Variants in TLCD4 observed in about 807,000 individuals in gnomAD.
The protein encoded by TLCD4 is TLC domain containing 4, also known as TLC domain-containing protein 4.
TLCD4 carries 7 observed loss-of-function variants against 24.2 expected under a neutral mutation model. The ratio of observed to expected loss-of-function variants is 0.29; its 90% CI spans 0.16 to 0.54. The LOEUF (loss-of-function observed/expected upper bound fraction) is 0.54. TLCD4 is among the 20% of genes least tolerant of loss of function. The probability of loss-of-function intolerance (pLI) is 0.95; values close to 1 mark genes in which losing one functional copy is unlikely to be tolerated. For synonymous variants in TLCD4, 103 were observed against 106.4 expected (o/e 0.97, Z 0.20); for missense variants, 259 against 313.9 (o/e 0.82, Z 1.32).
chr1:95,102,482 C>T, the TLCD4 span, among the ~76,000 whole-genome samples: 52,314 of 151,876 alleles, frequency 0.34, 10,545 homozygotes, highest in Middle Eastern at 0.45. Context: ...ATGATGACTT[C>T]GTGAACTCAG....
chr1:95,094,106 T>C, the TLCD4 span, among the ~76,000 whole-genome samples: 11 of 152,138 alleles, frequency 7.2e-5, no homozygotes. Flanking sequence ...AAAGTTCCTG[T>C]CATCATGTGA....
the TLCD4 span, among the ~76,000 whole-genome samples, chr1:95,107,106 G>A: frequency 1.9e-4 from 29 of 152,262 alleles, no homozygotes; most frequent in African/African-American, 6.3e-4. Context: ...TAATATGTTT[G>A]CATATTTAAC....
chr1:95,139,802 G>A (rs189986291), intron 1 of TLCD4, among the ~76,000 whole-genome samples: 50 of 152,216 alleles, frequency 3.3e-4, no homozygotes, highest in Non-Finnish European at 6.0e-4. Context: ...CAAACCCATT[G>A]TATGGCTGTA....
intron 6 of TLCD4, among the ~76,000 whole-genome samples, chr1:95,175,538 T>C (rs577353716): frequency 1.3e-5 from 2 of 152,344 alleles, no homozygotes; most frequent in Admixed American, 1.3e-4. Context: ...TCAAATTCTT[T>C]TGGATATATT....
intron 1 of TLCD4, among the ~76,000 whole-genome samples, chr1:95,142,289 ATCTT>A (rs1677220523): frequency 1.0e-5 from 1 of 98,276 alleles, no homozygotes; most frequent in Non-Finnish European, 2.0e-5. Flanking sequence ...TTTTATAAAA[ATCTT>A]TTTTTTTTTT....
chr1:95,161,483 T>C (rs1182911617), intron 5 of TLCD4, among the ~76,000 whole-genome samples: 1 of 152,144 alleles, frequency 6.6e-6, no homozygotes, highest in East Asian at 1.9e-4. Context: ...TTTTGAAGGG[T>C]TTTTGTGTCT....
intron 5 of TLCD4, among the ~76,000 whole-genome samples, chr1:95,162,887 G>T (rs11590690): frequency 0.36 from 54,593 of 152,116 alleles, 11,354 homozygotes; most frequent in Middle Eastern, 0.55. Context: ...AGTCTGTTGG[G>T]CTTCCCTTTG....
chr1:95,144,851 A>G (rs1273803272), intron 2 of TLCD4, among the ~76,000 whole-genome samples: 1 of 151,670 alleles, frequency 6.6e-6, no homozygotes, highest in African/African-American at 2.4e-5. Flanking sequence ...CCACCATGCC[A>G]AGCTAATTTT....
the TLCD4 span, among the ~76,000 whole-genome samples, chr1:95,100,656 C>T: frequency 1.3e-5 from 2 of 152,176 alleles, no homozygotes; most frequent in East Asian, 3.9e-4. Context: ...TGATTCCTGC[C>T]TTTAATTGTC....
intron 2 of TLCD4, among the ~76,000 whole-genome samples, chr1:95,146,189 CT>C (rs765530106): frequency 1.4e-4 from 22 of 151,834 alleles, no homozygotes; most frequent in Non-Finnish European, 2.5e-4. Flanking sequence ...GAAAAAATCA[CT>C]GGAAATGCCC....
At chr1:95,113,098 A>G (rs563120680), upstream of TLCD4, among the ~76,000 whole-genome samples, 1 of 146,604 alleles carries the variant, frequency 6.8e-6, no homozygotes, top group Non-Finnish European at 1.5e-5. Flanking sequence ...GCTGGAGTGC[A>G]GTGGCGCGAT....
chr1:95,141,278 A>G (rs1358480414), intron 1 of TLCD4, among the ~76,000 whole-genome samples: 1 of 152,210 alleles, frequency 6.6e-6, no homozygotes, highest in Non-Finnish European at 1.5e-5. Flanking sequence ...GTGCTTTTAA[A>G]TACAGTAGTT....
the TLCD4 span, among the ~76,000 whole-genome samples, chr1:95,110,546 C>T: frequency 2.6e-5 from 4 of 151,756 alleles, no homozygotes; most frequent in East Asian, 5.8e-4. Context: ...GAAATAAAAC[C>T]GAAAGTATAT....
At chr1:95,127,084 C>G (rs1023911081) in intron 1 of TLCD4, among the ~76,000 whole-genome samples, 1 of 152,192 alleles carries the variant, frequency 6.6e-6, no homozygotes, top group Non-Finnish European at 1.5e-5. Context: ...ATTCTCATCC[C>G]CATTTTAAAG....
At chr1:95,182,415 A>G (rs1182918546) in intron 6 of TLCD4, among the ~76,000 whole-genome samples, 1 of 152,140 alleles carries the variant, frequency 6.6e-6, no homozygotes, top group African/African-American at 2.4e-5. Context: ...CCATTTTATC[A>G]TACAGAATAT....
intron 5 of TLCD4, among the ~76,000 whole-genome samples, chr1:95,154,817 C>T (rs975982004): frequency 2.7e-5 from 4 of 149,738 alleles, no homozygotes; most frequent in East Asian, 2.0e-4. Context: ...TACCCTGAAA[C>T]GGTTTCCATT....
intron 6 of TLCD4, among the ~76,000 whole-genome samples, chr1:95,187,416 G>A (rs1678865044): frequency 6.6e-6 from 1 of 152,100 alleles, no homozygotes; most frequent in South Asian, 2.1e-4. Context: ...TTTCTCAGAT[G>A]TCCTGTCTCT....
intron 6 of TLCD4, among the ~76,000 whole-genome samples, chr1:95,174,744 T>C (rs1375695021): frequency 6.6e-6 from 1 of 152,166 alleles, no homozygotes; most frequent in African/African-American, 2.4e-5. Flanking sequence ...ATAACTAAAC[T>C]AACAATTTGT....
At chr1:95,173,197 T>G (rs1678287791) in intron 5 of TLCD4, among the ~76,000 whole-genome samples, 1 of 152,212 alleles carries the variant, frequency 6.6e-6, no homozygotes, top group Admixed American at 6.5e-5. Context: ...GATAAGTGCT[T>G]TTTTGAGATT....
Sources: gnomAD v4.1 joint callset for allele counts (sites outside exome capture counted in the v4.1 genomes callset) on GRCh38, gnomAD v4.1.1 for gene constraint, MANE v1.5 for transcripts, NCBI Gene and HGNC (gene_info 2026-07-23, HGNC 2026-07-21) for gene names.